PHF14: variants seen among roughly 807,000 people sequenced by gnomAD.
PHF14 encodes PHD finger protein 14.
PHF14 carries 55 observed loss-of-function variants against 117.9 expected under a neutral mutation model. The observed-to-expected ratio is 0.47, with a 90% CI of 0.38 to 0.58. The LOEUF (loss-of-function observed/expected upper bound fraction) is 0.58, where lower values mean the gene tolerates loss of function less well. Among genes scored for constraint, PHF14 ranks in the 20% least tolerant of loss-of-function variants. PHF14 has a pLI of 0.00. For synonymous variants in PHF14, 409 were observed against 368.6 expected, an observed-to-expected ratio of 1.11 and a Z score of -1.26; for missense variants, 978 against 1,122.2, an observed-to-expected ratio of 0.87 and a Z score of 1.84.
intron 4 of PHF14, chr7:11,006,591 T>C: frequency 3.3e-6 from 2 of 606,604 alleles, no homozygotes; most frequent in South Asian, 2.7e-5. Context: ...CACAAGCATG[T>C]TGTTGTCTTC....
At chr7:11,062,576 TAAAG>T (rs1785265554) in intron 16 of PHF14, 1 of 428,802 alleles carries the variant, frequency 2.3e-6, no homozygotes, top group Admixed American at 6.4e-5. Flanking sequence ...CCTTACGAAA[TAAAG>T]AAAGGTGAAA....
intron 16 of PHF14, among the ~76,000 whole-genome samples, chr7:11,066,188 T>G (rs545869286): frequency 6.6e-6 from 1 of 152,248 alleles, no homozygotes; most frequent in Non-Finnish European, 1.5e-5. Flanking sequence ...TTTGTTTGTG[T>G]CATAAATTAT....
intron 16 of PHF14, among the ~76,000 whole-genome samples, chr7:11,086,126 C>G (rs1003997206): frequency 1.3e-5 from 2 of 152,152 alleles, no homozygotes; most frequent in African/African-American, 4.8e-5. Context: ...TGGACCGTTG[C>G]AATAACCATC....
chr7:11,111,510 G>C, intron 17 of PHF14, 43 bp downstream of exon 17: 2 of 929,054 alleles, frequency 2.2e-6, no homozygotes, highest in South Asian at 1.5e-5. Context: ...GTGTCCTTCC[G>C]TTTGATAGCT....
chr7:11,081,622 C>T (rs891255733), intron 16 of PHF14, among the ~76,000 whole-genome samples: 6 of 152,146 alleles, frequency 3.9e-5, no homozygotes, highest in Non-Finnish European at 4.4e-5. Flanking sequence ...TTTGGGAGGC[C>T]GAGGTGGGCG....
chr7:11,164,097 TATC>T (rs1562491844), intron 17 of PHF14, among the ~76,000 whole-genome samples: 1 of 152,156 alleles, frequency 6.6e-6, no homozygotes, highest in African/African-American at 2.4e-5. Flanking sequence ...CTAAAGAAAA[TATC>T]ATAAGAATAT....
At chr7:11,080,490 A>G (rs1786054943) in intron 16 of PHF14, among the ~76,000 whole-genome samples, 1 of 152,126 alleles carries the variant, frequency 6.6e-6, no homozygotes, top group African/African-American at 2.4e-5. Context: ...TCACTCAACT[A>G]AATAACTTTT....
At chr7:11,073,326 T>C (rs1332133065) in intron 16 of PHF14, among the ~76,000 whole-genome samples, 2 of 152,092 alleles carry the variant, frequency 1.3e-5, no homozygotes, top group Non-Finnish European at 2.9e-5. Flanking sequence ...ATGTCAAAAA[T>C]GAGAAATTAA....
chr7:10,995,127 G>A (rs535890054), intron 4 of PHF14, among the ~76,000 whole-genome samples: 1 of 152,312 alleles, frequency 6.6e-6, no homozygotes, highest in South Asian at 2.1e-4. Flanking sequence ...TAGACACAGG[G>A]TGCAGATTGG....
chr7:11,049,034 CA>C (rs1265276857), intron 13 of PHF14, among the ~76,000 whole-genome samples: 1 of 151,834 alleles, frequency 6.6e-6, no homozygotes, highest in Non-Finnish European at 1.5e-5. Context: ...TAATTGCTAC[CA>C]AAAGAGAAGC....
At chr7:11,125,834 T>C (rs933805500) in intron 17 of PHF14, among the ~76,000 whole-genome samples, 1 of 152,114 alleles carries the variant, frequency 6.6e-6, no homozygotes, top group African/African-American at 2.4e-5. Context: ...GTTTATATTA[T>C]AGTGTTATAC....
In PHF14 at chr7:10,982,409, A is replaced by G. The variant is rs772005183; in HGVS notation, c.150A>G (p.Ser50=). The part of the protein sequence containing the change: ...EGSGNGSEDA[S]KDSGEGSCSD... ...GTGGTAATGGAAGTGAAGATGCTTCAAAGGACAGTGGAGAAGGTTCCTGTA... is the reference window on the plus strand; with the variant it reads ...GTGGTAATGGAAGTGAAGATGCTTCGAAGGACAGTGGAGAAGGTTCCTGTA... The change falls in exon 3 of 18, where the codon TCA becomes TCG. Residue 50 remains serine (S), a synonymous_variant. Transcript: ENST00000634607. 5.1e-6 allele frequency: 8 copies of G among 1,575,868 alleles called. No individual in the cohort carries two copies. The highest frequency in any genetic ancestry group is 1.2e-5 in the South Asian group (1 of 83,330).
intron 17 of PHF14, among the ~76,000 whole-genome samples, chr7:11,159,870 G>A (rs1468767139): frequency 6.6e-6 from 1 of 152,120 alleles, no homozygotes; most frequent in Non-Finnish European, 1.5e-5. Flanking sequence ...CAAATAAAAA[G>A]GGAATGAGAA....
At chr7:11,009,632 T>C (rs1043748086) in intron 4 of PHF14, among the ~76,000 whole-genome samples, 4 of 152,196 alleles carry the variant, frequency 2.6e-5, no homozygotes, top group South Asian at 2.1e-4. Flanking sequence ...GGAGCAGATA[T>C]ACAGTGCTAG....
At position 10,975,607 on chromosome 7, in the gene PHF14, G is replaced by A. The variant is rs116620545; in HGVS notation, c.112+662G>A. ...GTATTTTCTGTTCAGTGTACCTTATGTATATATACAGTTTCAATTGAAGGA... is the reference window on the plus strand; with the variant it reads ...GTATTTTCTGTTCAGTGTACCTTATATATATATACAGTTTCAATTGAAGGA... On this transcript the variant is annotated intron_variant, in intron 2 of 17. Coordinates refer to ENST00000634607, the MANE Select transcript of PHF14 (RefSeq NM_001007157.2). 5.3e-3 allele frequency among the ~76,000 whole-genome samples: 801 copies of A among 152,170 alleles called. 5 individuals carry two copies. The highest frequency in any genetic ancestry group is 0.018 in the African/African-American group (762 of 41,526).
At chr7:11,088,246 A>AT (rs559006528) in intron 16 of PHF14, among the ~76,000 whole-genome samples, 3 of 151,780 alleles carry the variant, frequency 2.0e-5, no homozygotes, top group Non-Finnish European at 4.4e-5. Context: ...GTTATACCAT[A>AT]TTTTTTTTAT....
chr7:11,066,464 T>C (rs1317781547), intron 16 of PHF14, among the ~76,000 whole-genome samples: 1 of 152,212 alleles, frequency 6.6e-6, no homozygotes, highest in East Asian at 1.9e-4. Flanking sequence ...TGTTTTATGG[T>C]TATTGTTATT....
chr7:11,163,479 A>G (rs1789109705), intron 17 of PHF14, among the ~76,000 whole-genome samples: 1 of 152,172 alleles, frequency 6.6e-6, no homozygotes, highest in Admixed American at 6.5e-5. Flanking sequence ...TGCTCATTCA[A>G]TGCATTGGAA....
At chr7:11,124,223 A>G (rs985186762) in intron 17 of PHF14, among the ~76,000 whole-genome samples, 3 of 152,164 alleles carry the variant, frequency 2.0e-5, no homozygotes, top group African/African-American at 7.2e-5. Context: ...ACCTAAAGAT[A>G]CTACATTTCT....
Sources: allele counts gnomAD v4.1 joint callset (sites outside exome capture counted in the v4.1 genomes callset), GRCh38; gene constraint gnomAD v4.1.1; transcripts MANE v1.5; gene names NCBI Gene and HGNC (gene_info 2026-07-23, HGNC 2026-07-21).